The following GARRE1 variants were observed in gnomAD, a reference collection of about 807,000 sequenced individuals.
The protein encoded by GARRE1 is granule associated Rac and RHOG effector 1.
A neutral mutation model predicts 103.2 loss-of-function variants in GARRE1; 49 were observed. The ratio of observed to expected loss-of-function variants is 0.47; its 90% CI spans 0.38 to 0.60. The LOEUF is 0.60. Among genes scored for constraint, GARRE1 ranks in the 20% least tolerant of loss-of-function variants. The probability of loss-of-function intolerance (pLI) is 0.00; values close to 1 mark genes in which losing one functional copy is unlikely to be tolerated. For synonymous variants in GARRE1, 505 were observed against 532.8 expected, an observed-to-expected ratio of 0.95 and a Z score of 0.72; for missense variants, 1,199 against 1,370.5, an observed-to-expected ratio of 0.87 and a Z score of 1.98.
At chr19:34,323,951 C>T (rs1358706814) in intron 3 of GARRE1, among the ~76,000 whole-genome samples, 3 of 152,202 alleles carry the variant, frequency 2.0e-5, no homozygotes, top group African/African-American at 7.2e-5. Flanking sequence ...TCCCTGATGG[C>T]AGCCCTTCTT....
chr19:34,271,507 C>T (rs980782042), intron 1 of GARRE1, among the ~76,000 whole-genome samples: 1 of 152,014 alleles, frequency 6.6e-6, no homozygotes. Context: ...CTCGGCCTTC[C>T]AGAGTGCTGG....
intron 1 of GARRE1, among the ~76,000 whole-genome samples, chr19:34,291,674 C>A (rs1599758587): frequency 6.6e-6 from 1 of 152,296 alleles, no homozygotes; most frequent in East Asian, 1.9e-4. Context: ...GGACAAGAGC[C>A]TTCATGACCT....
intron 12 of GARRE1, 32 bp from the exon 13 acceptor site, chr19:34,351,482 C>G (rs774799120): frequency 6.4e-7 from 1 of 1,558,784 alleles, no homozygotes. Context: ...GGAAGCCAAG[C>G]AATCACTGCC....
Position 34,298,441 on chromosome 19 carries a change from A to G in GARRE1, c.-795-1238A>G, listed in dbSNP as rs574931685. Among the ~76,000 whole-genome samples the G allele has an allele frequency of 8.1e-5, 12 of 148,560 alleles. No homozygotes were observed. In the East Asian group the frequency reaches 2.4e-3, roughly 30 times the overall value. ...AAAAAAAAAAAAGTTGGCCAGGCGC[A>G]GTGGCTCAGGCCTGTAATCCCAGCA... On this transcript the variant is annotated intron_variant, in intron 1 of 13. Coordinates refer to ENST00000299505, the MANE Select transcript of GARRE1 (RefSeq NM_014686.5).
chr19:34,283,760 A>C (rs997101075), intron 1 of GARRE1, among the ~76,000 whole-genome samples: 1 of 151,078 alleles, frequency 6.6e-6, no homozygotes, highest in African/African-American at 2.4e-5. Context: ...ACCACTTTTC[A>C]TGTCTTGTCA....
intron 2 of GARRE1, among the ~76,000 whole-genome samples, chr19:34,311,009 C>A (rs922318637): frequency 2.0e-5 from 3 of 151,974 alleles, no homozygotes; most frequent in Non-Finnish European, 4.4e-5. Context: ...CCCGCCCCCC[C>A]GCAAGACAGG....
chr19:34,327,989 G>A lies in GARRE1; in HGVS notation c.943-1G>A. Reference sequence around the variant, plus strand: ...TCCTCTTCCATCCATGCCTTTTCCAGGGCTGCTGCAGCGAGGCGGAAGCCC... The same window carrying A: ...TCCTCTTCCATCCATGCCTTTTCCAAGGCTGCTGCAGCGAGGCGGAAGCCC... On this transcript the variant is annotated splice_acceptor_variant, in intron 5 of 13. Transcript: ENST00000299505. LOFTEE classifies it high-confidence loss of function. The A allele has an allele frequency of 6.2e-7, 1 of 1,614,134 alleles. No homozygotes were observed. Among genetic ancestry groups the A allele is most frequent in the Non-Finnish European group, 8.5e-7 (1 of 1,180,036 alleles).
chr19:34,291,861 CTTT>C (rs35386109), intron 1 of GARRE1, among the ~76,000 whole-genome samples: 6 of 142,096 alleles, frequency 4.2e-5, no homozygotes, highest in Admixed American at 1.4e-4. Flanking sequence ...CATAAATCTA[CTTT>C]TTTTTTTTTT....
intron 1 of GARRE1, among the ~76,000 whole-genome samples, chr19:34,297,822 A>G (rs1375568377): frequency 2.6e-5 from 4 of 152,200 alleles, no homozygotes; most frequent in Non-Finnish European, 5.9e-5. Context: ...TGTTTCTTGA[A>G]AAGTTTATGA....
chr19:34,319,864 GC>G, intron 2 of GARRE1, 42 bp from the exon 3 acceptor site: 1 of 1,568,816 alleles, frequency 6.4e-7, no homozygotes, highest in East Asian at 2.2e-5. Flanking sequence ...GAATCCAACA[GC>G]AACCCACAAC....
At chr19:34,339,589 A>C (rs925379353) in intron 8 of GARRE1, among the ~76,000 whole-genome samples, 7 of 152,174 alleles carry the variant, frequency 4.6e-5, no homozygotes, top group African/African-American at 1.7e-4. Flanking sequence ...TCACCTAGGA[A>C]ATCTCAAGGG....
chr19:34,282,430 G>A lies in GARRE1; in HGVS notation c.-795-17249G>A, dbSNP rs575671876. Among the ~76,000 whole-genome samples, 27 of 152,320 alleles carry A rather than the reference G, an allele frequency of 1.8e-4. 1 individual carries two copies. Among genetic ancestry groups the A allele is most frequent in the African/African-American group, 6.0e-4 (25 of 41,578 alleles). On this transcript the variant is annotated intron_variant, in intron 1 of 13. Transcript: ENST00000299505. ...CTCCCAAAGTGCTCGGATTACAGGC[G>A]TGAGCCACCGTGCCCAGCCCTGCTT... is the stretch of plus-strand genomic sequence containing the variant.
chr19:34,303,638 C>T lies in GARRE1; in HGVS notation c.495+2670C>T, dbSNP rs544844161. On this transcript the variant is annotated intron_variant, in intron 2 of 13. Coordinates refer to ENST00000299505, the MANE Select transcript of GARRE1 (RefSeq NM_014686.5). ...CTTTGTTTTTGTTTTTGTTTTGAGA[C>T]GAAGTTTCATCTTGTAGCCCAGGCT... 3.9e-5 allele frequency among the ~76,000 whole-genome samples: 6 copies of T among 152,246 alleles called. No individual in the cohort carries two copies. The South Asian group carries it at 6.2e-4, about 16-fold the overall frequency.
chr19:34,283,706 C>G lies in GARRE1; in HGVS notation c.-795-15973C>G, dbSNP rs530186867. On this transcript the variant is annotated intron_variant, in intron 1 of 13. Transcript: ENST00000299505. ...CTCTTCTTCACTTCAATCGTCTTAT[C>G]TTTCTAAAGGGAAGTGCTTCAAGAG... Among the ~76,000 whole-genome samples, 4 of 152,208 alleles carry G rather than the reference C, an allele frequency of 2.6e-5. No individual in the cohort carries two copies. In the East Asian group the frequency reaches 7.7e-4, roughly 29 times the overall value.
chr19:34,261,525 C>T (rs757958556), intron 1 of GARRE1, among the ~76,000 whole-genome samples: 4 of 152,164 alleles, frequency 2.6e-5, no homozygotes, highest in Non-Finnish European at 4.4e-5. Flanking sequence ...TCTTCCTACA[C>T]TGCTCATCCA....
intron 3 of GARRE1, among the ~76,000 whole-genome samples, chr19:34,321,869 G>A (rs942268632): frequency 6.6e-6 from 1 of 152,218 alleles, no homozygotes; most frequent in Admixed American, 6.5e-5. Flanking sequence ...GCTAGACTGA[G>A]TGGTTGGCTC....
At chr19:34,294,638 C>G (rs969142473) in intron 1 of GARRE1, among the ~76,000 whole-genome samples, 2 of 151,916 alleles carry the variant, frequency 1.3e-5, no homozygotes, top group Admixed American at 6.6e-5. Context: ...TGTTTTTTCC[C>G]TTTATATGGG....
At chr19:34,281,988 T>C (rs973011975) in intron 1 of GARRE1, among the ~76,000 whole-genome samples, 1 of 152,222 alleles carries the variant, frequency 6.6e-6, no homozygotes, top group Non-Finnish European at 1.5e-5. Flanking sequence ...CTCCCATGGC[T>C]TATTTTAAAA....
chr19:34,312,952 A>C (rs1421198492), intron 2 of GARRE1, among the ~76,000 whole-genome samples: 4 of 152,094 alleles, frequency 2.6e-5, no homozygotes, highest in African/African-American at 7.2e-5. Flanking sequence ...AAAAATAATA[A>C]ATAAATAAAG....
Sources: allele counts gnomAD v4.1 joint callset (sites outside exome capture counted in the v4.1 genomes callset), GRCh38; gene constraint gnomAD v4.1.1; transcripts MANE v1.5; gene names NCBI Gene and HGNC (gene_info 2026-07-23, HGNC 2026-07-21).